The following CDKAL1 variants were observed in gnomAD, a reference collection of about 807,000 sequenced individuals.
CDKAL1 encodes the protein CDKAL1 threonylcarbamoyladenosine tRNA methylthiotransferase.
Under a neutral mutation model 68.2 loss-of-function variants are expected in CDKAL1, and 32 were observed. That is an observed-to-expected ratio of 0.47 (90% CI 0.35 to 0.63). The LOEUF (loss-of-function observed/expected upper bound fraction) is 0.63. Among genes scored for constraint, CDKAL1 ranks in the 30% least tolerant of loss-of-function variants. The probability of loss-of-function intolerance (pLI) is 0.00; values close to 1 mark genes in which losing one functional copy is unlikely to be tolerated. For synonymous variants in CDKAL1, 234 were observed against 244.3 expected, an observed-to-expected ratio of 0.96 and a Z score of 0.39; for missense variants, 606 against 696.7, an observed-to-expected ratio of 0.87 and a Z score of 1.47.
At chr6:21,137,905 T>C (rs1775694730) in intron 13 of CDKAL1, among the ~76,000 whole-genome samples, 1 of 152,242 alleles carries the variant, frequency 6.6e-6, no homozygotes, top group African/African-American at 2.4e-5. Context: ...TTTATAAACA[T>C]TTCTAGAACA....
chr6:20,613,311 G>C (rs1438045110), intron 4 of CDKAL1, among the ~76,000 whole-genome samples: 1 of 112,116 alleles, frequency 8.9e-6, no homozygotes, highest in Middle Eastern at 8.8e-3. Flanking sequence ...GTCTCGCTCT[G>C]TCACCCAGGC....
At chr6:21,220,402 A>T (rs1779496060) in intron 15 of CDKAL1, among the ~76,000 whole-genome samples, 1 of 152,140 alleles carries the variant, frequency 6.6e-6, no homozygotes, top group African/African-American at 2.4e-5. Context: ...CTCTTTGGAG[A>T]AAAAAATTTA....
intron 15 of CDKAL1, among the ~76,000 whole-genome samples, chr6:21,216,836 G>A (rs1779354139): frequency 6.6e-6 from 1 of 152,174 alleles, no homozygotes; most frequent in Admixed American, 6.5e-5. Context: ...GCTGTGATGA[G>A]GACTTGGTGT....
intron 5 of CDKAL1, among the ~76,000 whole-genome samples, chr6:20,725,970 A>G (rs1772634868): frequency 6.6e-6 from 1 of 152,076 alleles, no homozygotes; most frequent in Non-Finnish European, 1.5e-5. Context: ...CTCTGGCATA[A>G]TATCACATAA....
At chr6:20,957,276 G>A (rs1764825644) in intron 10 of CDKAL1, among the ~76,000 whole-genome samples, 1 of 152,194 alleles carries the variant, frequency 6.6e-6, no homozygotes, top group African/African-American at 2.4e-5. Flanking sequence ...GAAAAATCTT[G>A]TGTTGGCTCT....
At chr6:21,176,696 G>GTT (rs1169908107) in intron 13 of CDKAL1, among the ~76,000 whole-genome samples, 80 of 100,492 alleles carry the variant, frequency 8.0e-4, no homozygotes, top group East Asian at 1.3e-3. Flanking sequence ...TTTTTTTTTT[G>GTT]TTTTTTTTTT....
intron 6 of CDKAL1, among the ~76,000 whole-genome samples, chr6:20,757,560 A>G (rs529959227): frequency 1.6e-3 from 87 of 56,088 alleles, no homozygotes; most frequent in African/African-American, 5.1e-3. Flanking sequence ...ATTTACACAC[A>G]CACACACACA....
chr6:20,919,199 CTG>C (rs1762844634), intron 9 of CDKAL1, among the ~76,000 whole-genome samples: 1 of 152,182 alleles, frequency 6.6e-6, no homozygotes, highest in Admixed American at 6.5e-5. Context: ...GGAAGGATAA[CTG>C]ATAGGTATTA....
At chr6:20,917,003 G>A (rs1042130145) in intron 9 of CDKAL1, among the ~76,000 whole-genome samples, 1 of 152,146 alleles carries the variant, frequency 6.6e-6, no homozygotes, top group Admixed American at 6.5e-5. Context: ...GTTTTGAGAT[G>A]GAGTTTCACT....
intron 13 of CDKAL1, among the ~76,000 whole-genome samples, chr6:21,167,342 G>A (rs938971727): frequency 6.6e-6 from 1 of 152,144 alleles, no homozygotes; most frequent in Admixed American, 6.5e-5. Context: ...TCTAATTACT[G>A]TGCCACCAAA....
At chr6:20,943,256 T>C (rs9465942) in intron 9 of CDKAL1, among the ~76,000 whole-genome samples, 1 of 149,490 alleles carries the variant, frequency 6.7e-6, no homozygotes, top group African/African-American at 2.5e-5. Flanking sequence ...ACTCTTTTCT[T>C]TGTTCTTGTA....
chr6:20,967,930 C>T (rs763757465), intron 10 of CDKAL1, among the ~76,000 whole-genome samples: 4 of 152,162 alleles, frequency 2.6e-5, no homozygotes, highest in Non-Finnish European at 2.9e-5. Flanking sequence ...CATCTCACTT[C>T]CCTCTCTTCC....
At chr6:20,721,932 T>G (rs910870898) in intron 5 of CDKAL1, among the ~76,000 whole-genome samples, 58 of 151,998 alleles carry the variant, frequency 3.8e-4, no homozygotes, top group African/African-American at 1.3e-3. Flanking sequence ...GGGATTTCAC[T>G]ATTTTGGCCA....
At chr6:20,719,803 C>G (rs1240746937) in intron 5 of CDKAL1, among the ~76,000 whole-genome samples, 1 of 152,192 alleles carries the variant, frequency 6.6e-6, no homozygotes, top group Non-Finnish European at 1.5e-5. Context: ...ACAGATCTCT[C>G]TCTACCTCAA....
intron 15 of CDKAL1, among the ~76,000 whole-genome samples, chr6:21,220,359 T>C (rs1435078750): frequency 6.6e-6 from 1 of 152,210 alleles, no homozygotes; most frequent in Non-Finnish European, 1.5e-5. Flanking sequence ...TTTCCTTATG[T>C]GCAGTTACTA....
At chr6:20,748,056 C>A (rs1455078514) in intron 6 of CDKAL1, among the ~76,000 whole-genome samples, 1 of 152,098 alleles carries the variant, frequency 6.6e-6, no homozygotes, top group Non-Finnish European at 1.5e-5. Flanking sequence ...CAGTTTCTAT[C>A]AAAATTCCAA....
At chr6:21,084,692 G>C (rs1433789818) in intron 12 of CDKAL1, among the ~76,000 whole-genome samples, 1 of 152,102 alleles carries the variant, frequency 6.6e-6, no homozygotes, top group Non-Finnish European at 1.5e-5. Flanking sequence ...TGGGTTCTTT[G>C]AACTTGTTAT....
chr6:20,762,127 T>A (rs1430245295), intron 7 of CDKAL1, among the ~76,000 whole-genome samples: 1 of 152,188 alleles, frequency 6.6e-6, no homozygotes, highest in African/African-American at 2.4e-5. Context: ...ACAGTGTGCT[T>A]AGGAGTTTGC....
At chr6:20,896,106 T>TC (rs1200886938) in intron 9 of CDKAL1, among the ~76,000 whole-genome samples, 24 of 101,266 alleles carry the variant, frequency 2.4e-4, no homozygotes, top group Non-Finnish European at 3.5e-4. Flanking sequence ...TTCTTTTCTT[T>TC]TTTTTTTTTT....
Sources: gnomAD v4.1 joint callset for allele counts (sites outside exome capture counted in the v4.1 genomes callset) on GRCh38, gnomAD v4.1.1 for gene constraint, MANE v1.5 for transcripts, NCBI Gene and HGNC (gene_info 2026-07-23, HGNC 2026-07-21) for gene names.